The following GRID1 variants were observed in gnomAD, a reference collection of about 807,000 sequenced individuals.
GRID1 encodes the protein glutamate ionotropic receptor delta type subunit 1.
Under a neutral mutation model 98.0 loss-of-function variants are expected in GRID1, and 28 were observed. The ratio of observed to expected loss-of-function variants is 0.29; its 90% confidence interval spans 0.21 to 0.39. GRID1 has a LOEUF of 0.39. Among genes scored for constraint, GRID1 ranks in the 10% least tolerant of loss-of-function variants. GRID1 has a pLI of 1.00. For missense variants in GRID1, 1,111 were observed against 1,340.5 expected (o/e 0.83, Z 2.67); for synonymous variants, 553 against 538.5 (o/e 1.03, Z -0.37).
chr10:86,289,595 C>T (rs1847483445), intron 2 of GRID1, among the ~76,000 whole-genome samples: 1 of 152,080 alleles, frequency 6.6e-6, no homozygotes, highest in African/African-American at 2.4e-5. Flanking sequence ...CTCCCCAGCT[C>T]CTGCTTACCA....
chr10:86,088,516 A>G (rs370401982), intron 4 of GRID1, among the ~76,000 whole-genome samples: 15 of 152,238 alleles, frequency 9.9e-5, no homozygotes, highest in African/African-American at 3.6e-4. Flanking sequence ...CCCAGAGAGC[A>G]TGGGGATCCC....
intron 2 of GRID1, among the ~76,000 whole-genome samples, chr10:86,322,676 GATGGGATTACA>G (rs1847987275): frequency 6.6e-6 from 1 of 151,696 alleles, no homozygotes; most frequent in Admixed American, 6.6e-5. Context: ...CTCCCAAAGT[GATGGGATTACA>G]GGTGTGAGCC....
intron 2 of GRID1, among the ~76,000 whole-genome samples, chr10:86,262,659 C>G (rs1589430289): frequency 6.6e-6 from 1 of 152,218 alleles, no homozygotes; most frequent in African/African-American, 2.4e-5. Context: ...ACAAACTGAG[C>G]TCAGAGAGGT....
At chr10:86,023,674 A>T (rs1843079243) in intron 4 of GRID1, among the ~76,000 whole-genome samples, 1 of 152,070 alleles carries the variant, frequency 6.6e-6, no homozygotes, top group African/African-American at 2.4e-5. Flanking sequence ...CCCTGACCAA[A>T]CACATTCTTC....
At chr10:85,954,000 C>A (rs763705007) in intron 4 of GRID1, among the ~76,000 whole-genome samples, 37 of 152,306 alleles carry the variant, frequency 2.4e-4, no homozygotes, top group Middle Eastern at 6.8e-3. Flanking sequence ...GCAAAATAAT[C>A]TCCAAATAAC....
intron 8 of GRID1, among the ~76,000 whole-genome samples, chr10:85,778,061 T>C (rs562569044): frequency 6.6e-6 from 1 of 152,234 alleles, no homozygotes; most frequent in African/African-American, 2.4e-5. Flanking sequence ...CTATGTTCTG[T>C]TGTGGAATTC....
intron 4 of GRID1, among the ~76,000 whole-genome samples, chr10:86,088,226 A>G: frequency 6.6e-6 from 1 of 152,238 alleles, no homozygotes; most frequent in East Asian, 1.9e-4. Context: ...CAATGAAGGA[A>G]CATCCTGTGA....
At chr10:85,926,112 C>T (rs1339557926) in intron 4 of GRID1, among the ~76,000 whole-genome samples, 1 of 152,100 alleles carries the variant, frequency 6.6e-6, no homozygotes, top group East Asian at 1.9e-4. Flanking sequence ...CCTCATGGTG[C>T]TAGGGAGGAA....
At chr10:85,962,726 G>C (rs1476751854) in intron 4 of GRID1, among the ~76,000 whole-genome samples, 2 of 152,310 alleles carry the variant, frequency 1.3e-5, no homozygotes, top group South Asian at 2.1e-4. Flanking sequence ...CTCTGCTCAG[G>C]TTTGGGAGGT....
intron 12 of GRID1, among the ~76,000 whole-genome samples, chr10:85,693,182 T>A (rs768883709): frequency 6.6e-6 from 1 of 152,132 alleles, no homozygotes; most frequent in Non-Finnish European, 1.5e-5. Context: ...AGAAATCACA[T>A]GTATTTGAGA....
At chr10:85,860,760 C>T (rs1039543516) in intron 6 of GRID1, among the ~76,000 whole-genome samples, 1 of 152,160 alleles carries the variant, frequency 6.6e-6, no homozygotes, top group Non-Finnish European at 1.5e-5. Flanking sequence ...AGCAAGCACT[C>T]AATAAATGTT....
chr10:85,677,097 G>A (rs1223248936), intron 12 of GRID1, among the ~76,000 whole-genome samples: 2 of 152,188 alleles, frequency 1.3e-5, no homozygotes, highest in Non-Finnish European at 2.9e-5. Context: ...GAGCTCCTCT[G>A]ATAAACTCAA....
chr10:85,668,476 G>A lies in GRID1; in HGVS notation c.1998-21079C>T, dbSNP rs186235020. Among the ~76,000 whole-genome samples, 277 of 152,330 alleles carry A rather than the reference G, an allele frequency of 1.8e-3. 1 individual carries two copies. Among genetic ancestry groups the A allele is most frequent in the Middle Eastern group, 0.014 (4 of 294 alleles). ...CTTTTCTTAGTGTGTGGAGCCAAGA[G>A]AAGCCACTTCTGAGATGTTCTTTAG... On this transcript the variant is annotated intron_variant, in intron 12 of 15. Transcript: ENST00000327946.
At chr10:85,827,396 AC>A (rs1377690359) in intron 8 of GRID1, among the ~76,000 whole-genome samples, 1 of 152,168 alleles carries the variant, frequency 6.6e-6, no homozygotes, top group African/African-American at 2.4e-5. Context: ...CGAAAAAAAA[AC>A]AATTCTCTTA....
chr10:85,969,309 A>T (rs1293771302), intron 4 of GRID1, among the ~76,000 whole-genome samples: 1 of 152,154 alleles, frequency 6.6e-6, no homozygotes, highest in Admixed American at 6.5e-5. Flanking sequence ...TTCAATCAGG[A>T]AACAGCTTGA....
intron 8 of GRID1, among the ~76,000 whole-genome samples, chr10:85,794,560 G>A (rs759590569): frequency 1.3e-5 from 2 of 152,206 alleles, no homozygotes; most frequent in Non-Finnish European, 2.9e-5. Context: ...GATTATAAAC[G>A]TTAGTGTCCA....
intron 12 of GRID1, among the ~76,000 whole-genome samples, chr10:85,703,833 G>A (rs190536650): frequency 3.9e-5 from 6 of 151,922 alleles, no homozygotes; most frequent in Non-Finnish European, 8.8e-5. Flanking sequence ...TAAAATACAA[G>A]ATTACAATTT....
chr10:85,769,465 C>T (rs11201781), intron 8 of GRID1, among the ~76,000 whole-genome samples: 6,289 of 152,266 alleles, frequency 0.041, 304 homozygotes, highest in African/African-American at 0.1. Flanking sequence ...GAGTGCCAGA[C>T]AGTGGGTGCA....
At chr10:85,762,614 C>A (rs7091796) in intron 8 of GRID1, among the ~76,000 whole-genome samples, 30,123 of 152,084 alleles carry the variant, frequency 0.2, 3,200 homozygotes, top group African/African-American at 0.26. Context: ...GCTGCGTGTG[C>A]CAGAGAGAGG....
Sources: gnomAD v4.1 joint callset for allele counts (sites outside exome capture counted in the v4.1 genomes callset) on GRCh38, gnomAD v4.1.1 for gene constraint, MANE v1.5 for transcripts, NCBI Gene and HGNC (gene_info 2026-07-23, HGNC 2026-07-21) for gene names.